Variants in SDCCAG8 observed in about 807,000 individuals in gnomAD.
SDCCAG8 encodes serologically defined colon cancer antigen 8.
In SDCCAG8, 74 loss-of-function variants were observed where a neutral mutation model predicts 101.8. That is an observed-to-expected ratio of 0.73 (90% CI 0.60 to 0.88). The LOEUF (loss-of-function observed/expected upper bound fraction) is 0.88, where lower values mean the gene tolerates loss of function less well. SDCCAG8 is among the 40% of genes least tolerant of loss of function. SDCCAG8 has a pLI of 0.00. For synonymous variants in SDCCAG8, 281 were observed against 292.9 expected, an observed-to-expected ratio of 0.96 and a Z score of 0.41; for missense variants, 787 against 822.6, an observed-to-expected ratio of 0.96 and a Z score of 0.53.
chr1:243,435,971 G>T (rs6700869), intron 16 of SDCCAG8, among the ~76,000 whole-genome samples: 1 of 151,976 alleles, frequency 6.6e-6, no homozygotes, highest in African/African-American at 2.4e-5. Flanking sequence ...ATAGCCTCCC[G>T]CATTATCAGT....
At chr1:243,436,428 GT>G (rs1433735132) in intron 16 of SDCCAG8, among the ~76,000 whole-genome samples, 9 of 152,024 alleles carry the variant, frequency 5.9e-5, no homozygotes, top group Non-Finnish European at 4.4e-5. Context: ...TAAAGTCTCT[GT>G]CTAGATTCAT....
chr1:243,471,928 G>A (rs1391543257), intron 16 of SDCCAG8, among the ~76,000 whole-genome samples: 12 of 152,182 alleles, frequency 7.9e-5, no homozygotes, highest in African/African-American at 2.7e-4. Flanking sequence ...TTGGAGAACT[G>A]AAACACTGTG....
chr1:243,306,956 C>G (rs1463367910), intron 7 of SDCCAG8, among the ~76,000 whole-genome samples: 1 of 152,028 alleles, frequency 6.6e-6, no homozygotes, highest in African/African-American at 2.4e-5. Context: ...ATGGCCACAG[C>G]ACCTGAGCGT....
rs190917343 is a variant in SDCCAG8, at chr1:243,330,180, T to A, written c.1069-360T>A. On this transcript the variant is annotated intron_variant, in intron 9 of 17. Transcript: ENST00000366541. The stretch of plus-strand genomic sequence containing the variant: ...TAAGAAATCAGTTAAATTGGATACT[T>A]ACGTATTTCGTGTAGTATAAACATG... Among the ~76,000 whole-genome samples the A allele has an allele frequency of 2.5e-3, 384 of 152,324 alleles. 3 individuals carry two copies. Among genetic ancestry groups the A allele is most frequent in the African/African-American group, 8.8e-3 (365 of 41,580 alleles).
At chr1:243,319,115 T>G (rs536681552) in intron 9 of SDCCAG8, among the ~76,000 whole-genome samples, 2 of 152,144 alleles carry the variant, frequency 1.3e-5, no homozygotes, top group African/African-American at 4.8e-5. Flanking sequence ...GGCCAGGCCC[T>G]TTCTAACAAT....
At chr1:243,426,706 T>G in intron 16 of SDCCAG8, 148 bp downstream of exon 16, 1 of 970,286 alleles carries the variant, frequency 1.0e-6, no homozygotes, top group Non-Finnish European at 1.6e-6. Context: ...TTTTATGTAT[T>G]TATGCTTCCT....
At chr1:243,286,531 C>T in intron 5 of SDCCAG8, 134 bp downstream of exon 5, 1 of 877,346 alleles carries the variant, frequency 1.1e-6, no homozygotes, top group Non-Finnish European at 1.8e-6. Flanking sequence ...TTGTTTGAGA[C>T]CTCAAATATC....
chr1:243,471,596 G>T (rs1661279646), intron 16 of SDCCAG8, among the ~76,000 whole-genome samples: 1 of 152,036 alleles, frequency 6.6e-6, no homozygotes, highest in Admixed American at 6.6e-5. Context: ...GGAGGAGGCT[G>T]CCCTGCTATC....
At chr1:243,443,190 G>GT in intron 16 of SDCCAG8, among the ~76,000 whole-genome samples, 1 of 152,146 alleles carries the variant, frequency 6.6e-6, no homozygotes, top group East Asian at 1.9e-4. Context: ...GATAAGCAGT[G>GT]TAACTTTCTC....
intron 16 of SDCCAG8, among the ~76,000 whole-genome samples, chr1:243,461,965 C>T (rs1659209157): frequency 6.6e-6 from 1 of 152,170 alleles, no homozygotes; most frequent in Non-Finnish European, 1.5e-5. Context: ...ATTTTGGTAG[C>T]CACTGTGATC....
intron 16 of SDCCAG8, among the ~76,000 whole-genome samples, chr1:243,465,981 A>G (rs1660055899): frequency 6.6e-6 from 1 of 152,116 alleles, no homozygotes; most frequent in Admixed American, 6.5e-5. Context: ...TCTAGGGCAG[A>G]CTCTCACTCT....
intron 16 of SDCCAG8, chr1:243,476,297 G>C: frequency 1.0e-6 from 1 of 985,470 alleles, no homozygotes; most frequent in East Asian, 1.1e-4. Context: ...TGACGGTTCC[G>C]TAGCGGACGG....
chr1:243,304,415 C>T (rs910376480), intron 6 of SDCCAG8, among the ~76,000 whole-genome samples: 7 of 152,184 alleles, frequency 4.6e-5, no homozygotes, highest in African/African-American at 1.7e-4. Context: ...TCTTTGCCCT[C>T]ATGGACCTTA....
At chr1:243,446,273 C>CT (rs1316675811) in intron 16 of SDCCAG8, among the ~76,000 whole-genome samples, 1 of 152,098 alleles carries the variant, frequency 6.6e-6, no homozygotes, top group Non-Finnish European at 1.5e-5. Context: ...TTTCCTCCTT[C>CT]TTTTTTTAAG....
intron 16 of SDCCAG8, among the ~76,000 whole-genome samples, chr1:243,481,756 A>G (rs558789551): frequency 6.6e-6 from 1 of 152,318 alleles, no homozygotes; most frequent in South Asian, 2.1e-4. Context: ...AAAACATTTC[A>G]GAACAAAGGA....
chr1:243,309,357 A>G (rs944683305), intron 8 of SDCCAG8, among the ~76,000 whole-genome samples: 2 of 152,194 alleles, frequency 1.3e-5, no homozygotes, highest in Non-Finnish European at 2.9e-5. Context: ...CACTAGAGAA[A>G]ACCTATATAG....
chr1:243,276,311 A>G (rs2068569666), intron 4 of SDCCAG8, among the ~76,000 whole-genome samples: 1 of 152,212 alleles, frequency 6.6e-6, no homozygotes, highest in African/African-American at 2.4e-5. Flanking sequence ...GCAGTGGAGA[A>G]TGTCTCATAG....
At chr1:243,276,406 T>C (rs1405274583) in intron 4 of SDCCAG8, among the ~76,000 whole-genome samples, 5 of 152,200 alleles carry the variant, frequency 3.3e-5, no homozygotes, top group African/African-American at 4.8e-5. Context: ...TGATACATTT[T>C]AGTAAGAGAA....
chr1:243,318,094 G>A (rs983729645), intron 9 of SDCCAG8: 9 of 456,308 alleles, frequency 2.0e-5, no homozygotes, highest in South Asian at 4.6e-5. Flanking sequence ...CGAAATTGAC[G>A]GAATCAATCT....
Sources: gnomAD v4.1 joint callset for allele counts (sites outside exome capture counted in the v4.1 genomes callset) on GRCh38, gnomAD v4.1.1 for gene constraint, MANE v1.5 for transcripts, NCBI Gene and HGNC (gene_info 2026-07-23, HGNC 2026-07-21) for gene names.